ACTL8: variants seen among roughly 807,000 people sequenced by gnomAD.
ACTL8 encodes actin like 8.
A neutral mutation model predicts 9.3 loss-of-function variants in ACTL8; 3 were observed. The ratio of observed to expected loss-of-function variants is 0.32; its 90% CI spans 0.15 to 0.83. ACTL8 has a LOEUF of 0.83. ACTL8 is among the 40% of genes least tolerant of loss of function. The probability of loss-of-function intolerance (pLI) is 0.57; values close to 1 mark genes in which losing one functional copy is unlikely to be tolerated. For synonymous variants in ACTL8, 224 were observed against 205.9 expected, an observed-to-expected ratio of 1.09 and a Z score of -0.75; for missense variants, 381 against 492.2, an observed-to-expected ratio of 0.77 and a Z score of 2.14.
chr1:17,766,696 C>G (rs1055021329), intron 1 of ACTL8, among the ~76,000 whole-genome samples: 7 of 152,144 alleles, frequency 4.6e-5, no homozygotes, highest in Admixed American at 1.3e-4. Flanking sequence ...TATATTTAGC[C>G]CAGGACTGGG....
At chr1:17,803,479 T>A (rs2066338017) in intron 1 of ACTL8, among the ~76,000 whole-genome samples, 1 of 152,204 alleles carries the variant, frequency 6.6e-6, no homozygotes, top group Non-Finnish European at 1.5e-5. Context: ...TACAGATGCC[T>A]GCCACCTTGC....
At chr1:17,803,704 G>C (rs114954829) in intron 1 of ACTL8, among the ~76,000 whole-genome samples, 6,027 of 152,268 alleles carry the variant, frequency 0.04, 408 homozygotes, top group African/African-American at 0.14. Flanking sequence ...GGGAGTGAGA[G>C]TGTATGCTGC....
chr1:17,772,649 G>C (rs1557429713), intron 1 of ACTL8, among the ~76,000 whole-genome samples: 1 of 152,164 alleles, frequency 6.6e-6, no homozygotes, highest in Non-Finnish European at 1.5e-5. Context: ...GAAGAGGTTG[G>C]GGGGCTCCCT....
intron 1 of ACTL8, among the ~76,000 whole-genome samples, chr1:17,755,774 T>TG (rs1558091262): frequency 6.6e-6 from 1 of 152,214 alleles, no homozygotes; most frequent in Non-Finnish European, 1.5e-5. Context: ...TGTGTGGGAC[T>TG]GGGGGCCCTT....
intron 1 of ACTL8, among the ~76,000 whole-genome samples, chr1:17,762,839 C>G (rs1355157447): frequency 1.3e-5 from 2 of 152,164 alleles, no homozygotes; most frequent in Non-Finnish European, 2.9e-5. Context: ...GCTCCCACCT[C>G]TGGCGCTTTC....
rs1470918574 is a variant in ACTL8, at chr1:17,767,844, T to A, written c.-25+12340T>A. 2.0e-5 allele frequency among the ~76,000 whole-genome samples: 3 copies of A among 152,138 alleles called. No homozygotes were observed. On this transcript the variant is annotated intron_variant, in intron 1 of 2. Transcript: ENST00000375406. The surrounding 1 kb of genome is among the most constrained non-coding windows in gnomAD (Gnocchi z 4.7). Reference sequence around the variant, plus strand: ...ACTGCTGACACGGGAGGAATGACACTGCGTTACTCAAGCAGGTGGCAGTGT... The same window carrying A: ...ACTGCTGACACGGGAGGAATGACACAGCGTTACTCAAGCAGGTGGCAGTGT...
intron 1 of ACTL8, among the ~76,000 whole-genome samples, chr1:17,799,750 C>G (rs2066306764): frequency 6.6e-6 from 1 of 152,170 alleles, no homozygotes. Context: ...TTTAATCCAT[C>G]TGGGTTCTGT....
At chr1:17,771,286 GTCT>G (rs561469948) in intron 1 of ACTL8, among the ~76,000 whole-genome samples, 53 of 152,080 alleles carry the variant, frequency 3.5e-4, no homozygotes, top group South Asian at 6.2e-4. Context: ...TCACAAAATA[GTCT>G]TCTTCTGATT....
chr1:17,818,015 A>C lies in ACTL8; in HGVS notation c.-24-4970A>C, dbSNP rs552476304. Among the ~76,000 whole-genome samples, 263 of 152,188 alleles carry C rather than the reference A, an allele frequency of 1.7e-3. 1 individual carries two copies. The highest frequency in any genetic ancestry group is 4.2e-3 in the Admixed American group (64 of 15,282). On this transcript the variant is annotated intron_variant, in intron 1 of 2. Transcript: ENST00000375406. ...CCGTGCCTGACCTCAACCACGTTCA[A>C]TTCCATCCATTCAGGAACTCCCAAT...
Position 17,826,312 on chromosome 1 carries a change from C to A in ACTL8, c.894C>A (p.Cys298Ter). ...TGCTGGTCTCCCACGTGATGGCCTG[C>A]GGGGGCAACACCCTCTATCCCGGGT... ...RPLLVSHVMA[C>*]GGNTLYPGFT... The change falls in exon 3 of 3, where the codon TGC (cysteine) becomes TGA (stop). Residue 298 changes from cysteine (C) to a stop codon, truncating the protein, a stop_gained. Transcript: ENST00000375406. LOFTEE classifies it low-confidence loss of function (END_TRUNC). The surrounding 1 kb of genome is among the most constrained non-coding windows in gnomAD (Gnocchi z 4.5). 3 of 1,612,170 alleles carry A rather than the reference C, an allele frequency of 1.9e-6. No individual in the cohort carries two copies. Among genetic ancestry groups the A allele is most frequent in the Non-Finnish European group, 2.5e-6 (3 of 1,178,682 alleles).
chr1:17,785,469 C>T (rs547740548), intron 1 of ACTL8, among the ~76,000 whole-genome samples: 3 of 152,266 alleles, frequency 2.0e-5, no homozygotes, highest in South Asian at 2.1e-4. Flanking sequence ...GATAAGAGGA[C>T]GCACCTAATA....
intron 1 of ACTL8, among the ~76,000 whole-genome samples, chr1:17,763,109 A>G (rs1164719953): frequency 6.6e-6 from 1 of 152,106 alleles, no homozygotes; most frequent in Non-Finnish European, 1.5e-5. Flanking sequence ...TTCATCCTGC[A>G]ATGAAAGAGC....
Position 17,801,708 on chromosome 1 carries a change from AC to A in ACTL8, c.-24-21276del, listed in dbSNP as rs372834765. 5.1e-3 allele frequency among the ~76,000 whole-genome samples: 784 copies of A among 152,364 alleles called. 6 individuals carry two copies. Among genetic ancestry groups the A allele is most frequent in the African/African-American group, 0.017 (707 of 41,584 alleles). On this transcript the variant is annotated intron_variant, in intron 1 of 2. Coordinates refer to ENST00000375406, the MANE Select transcript of ACTL8 (RefSeq NM_030812.3). The stretch of plus-strand genomic sequence containing the variant: ...AGAAGTGAAAGTAAATGTAAAAAAA[AC>A]AATTTCTGAAGCTTTCAAAAAGTTT...
chr1:17,765,405 C>T (rs1557427543), intron 1 of ACTL8, among the ~76,000 whole-genome samples: 1 of 152,184 alleles, frequency 6.6e-6, no homozygotes, highest in Non-Finnish European at 1.5e-5. Context: ...TGAGCTCTAC[C>T]TACAGACAGG....
At chr1:17,759,879 C>G (rs1213844913) in intron 1 of ACTL8, among the ~76,000 whole-genome samples, 1 of 152,182 alleles carries the variant, frequency 6.6e-6, no homozygotes, top group Non-Finnish European at 1.5e-5. Context: ...AACCTATATT[C>G]TTCAGAGTTC....
chr1:17,765,964 C>A (rs2066041518), intron 1 of ACTL8, among the ~76,000 whole-genome samples: 1 of 152,234 alleles, frequency 6.6e-6, no homozygotes, highest in Non-Finnish European at 1.5e-5. Context: ...TTTAGAGCAG[C>A]CAACTTCCTG....
At position 17,826,544 on chromosome 1, in the gene ACTL8, G is replaced by A. The variant is rs776224915; in HGVS notation, c.*25G>A. On this transcript the variant is annotated 3_prime_UTR_variant, in exon 3 of 3. Coordinates refer to ENST00000375406, the MANE Select transcript of ACTL8 (RefSeq NM_030812.3). The surrounding 1 kb of genome is among the most constrained non-coding windows in gnomAD (Gnocchi z 4.5). ...ACCCTACTGGCTCACTCCTGAGAAT[G>A]GGCTCCTGTTAGATGGGCACGGGCG... 5 of 1,519,952 alleles carry A rather than the reference G, an allele frequency of 3.3e-6. No individual in the cohort carries two copies. The East Asian group carries it at 1.1e-4, about 35-fold the overall frequency. 94.2% of individuals were successfully genotyped at this position (1,519,952 alleles called of 1,614,324 possible).
chr1:17,792,000 C>G (rs552622253), intron 1 of ACTL8, among the ~76,000 whole-genome samples: 49 of 151,696 alleles, frequency 3.2e-4, no homozygotes, highest in African/African-American at 1.1e-3. Flanking sequence ...ATCCTGCCCC[C>G]CCTCATCAAC....
chr1:17,757,526 G>T (rs114604568), intron 1 of ACTL8, among the ~76,000 whole-genome samples: 1 of 110,058 alleles, frequency 9.1e-6, no homozygotes, highest in Non-Finnish European at 1.7e-5. Flanking sequence ...CTTTCCCTCC[G>T]CAGTGCTGGA....
Sources: allele counts gnomAD v4.1 joint callset (sites outside exome capture counted in the v4.1 genomes callset), GRCh38; gene constraint gnomAD v4.1.1; non-coding constraint Gnocchi (gnomAD v3.1); transcripts MANE v1.5; gene names NCBI Gene and HGNC (gene_info 2026-07-23, HGNC 2026-07-21).